CMTM7: variants seen among roughly 807,000 people sequenced by gnomAD.
CMTM7 encodes the protein CKLF like MARVEL transmembrane domain containing 7, also known as CKLF-like MARVEL transmembrane domain-containing protein 7.
CMTM7 carries 7 observed loss-of-function variants against 19.3 expected under a neutral mutation model. The ratio of observed to expected loss-of-function variants is 0.36; its 90% CI spans 0.21 to 0.68. CMTM7 has a LOEUF of 0.68. CMTM7 is among the 30% of genes least tolerant of loss of function. CMTM7 has a pLI of 0.60. For missense variants in CMTM7, 193 were observed against 232.6 expected, an observed-to-expected ratio of 0.83 and a Z score of 1.11; for synonymous variants, 87 against 99.3, an observed-to-expected ratio of 0.88 and a Z score of 0.74.
chr3:32,392,242 G>A (rs1268509858), intron 1 of CMTM7, among the ~76,000 whole-genome samples, 177 bp downstream of exon 1: 1 of 121,182 alleles, frequency 8.3e-6, no homozygotes, highest in Non-Finnish European at 1.8e-5. Flanking sequence ...AGTTGCTGCC[G>A]CAGCCCCCGC....
At chr3:32,434,138 G>A (rs923145681) in intron 1 of CMTM7, among the ~76,000 whole-genome samples, 2 of 152,032 alleles carry the variant, frequency 1.3e-5, no homozygotes, top group South Asian at 2.1e-4. Context: ...GCAGTGAGCC[G>A]AGATCATGCC....
rs1696880645 is a variant in CMTM7, at chr3:32,454,442, C to G, written c.*188C>G. The G allele has an allele frequency of 1.4e-6, 1 of 731,592 alleles. No individual in the cohort carries two copies. The highest frequency in any genetic ancestry group is 2.5e-6 in the Non-Finnish European group (1 of 406,594). The allele number at this position is 731,592 out of a possible 1,614,324, so 45.3% of individuals were successfully genotyped here. On this transcript the variant is annotated 3_prime_UTR_variant, in exon 5 of 5. Coordinates refer to ENST00000334983, the MANE Select transcript of CMTM7 (RefSeq NM_138410.4). ...TGAGCTCCTGAGCCAGCCGGAAACT[C>G]TTCCTCCAGCCTTCCGGGGAGAACA...
chr3:32,432,928 A>G (rs761671579), intron 1 of CMTM7, among the ~76,000 whole-genome samples: 1 of 152,098 alleles, frequency 6.6e-6, no homozygotes, highest in Non-Finnish European at 1.5e-5. Flanking sequence ...TTTCTTGTGG[A>G]GATGACCGTC....
rs570033404 is a variant in CMTM7, at chr3:32,433,702, G to T, written c.160-8138G>T. Among the ~76,000 whole-genome samples, 3 of 152,260 alleles carry T rather than the reference G, an allele frequency of 2.0e-5. No homozygotes were observed. The East Asian group carries it at 5.8e-4, about 29-fold the overall frequency. ...AAGGAAGGAGATGGGCTTTTTAAAT[G>T]CAAGAGTGTCATGGAGCTGTCACAG... On this transcript the variant is annotated intron_variant, in intron 1 of 4. Transcript: ENST00000334983.
At chr3:32,404,616 T>G (rs902063620) in intron 1 of CMTM7, among the ~76,000 whole-genome samples, 2 of 152,238 alleles carry the variant, frequency 1.3e-5, no homozygotes, top group African/African-American at 2.4e-5. Flanking sequence ...CCAGCAAGTC[T>G]TCTTTTTCCA....
At chr3:32,412,525 ACACACACACACAC>A (rs1696193297) in intron 1 of CMTM7, among the ~76,000 whole-genome samples, 1 of 72,938 alleles carries the variant, frequency 1.4e-5, no homozygotes, top group Non-Finnish European at 3.2e-5. Context: ...ACACACACAC[ACACACACACACAC>A]ACTGCATCAT....
intron 4 of CMTM7, among the ~76,000 whole-genome samples, chr3:32,452,927 T>A (rs1696858949): frequency 9.2e-6 from 1 of 108,164 alleles, no homozygotes; most frequent in Middle Eastern, 3.6e-3. Flanking sequence ...CAATTTTTTT[T>A]TTTTTTTTTT....
intron 1 of CMTM7, among the ~76,000 whole-genome samples, chr3:32,403,057 C>T (rs555605420): frequency 1.3e-5 from 2 of 152,356 alleles, no homozygotes; most frequent in East Asian, 1.9e-4. Context: ...GAGAAGCCAG[C>T]GTCAGCTCTC....
intron 2 of CMTM7, among the ~76,000 whole-genome samples, chr3:32,445,503 G>GT (rs1319614255): frequency 2.0e-5 from 3 of 151,772 alleles, no homozygotes; most frequent in African/African-American, 7.3e-5. Context: ...GTCTTACATT[G>GT]TTTTTTGTTT....
Position 32,449,551 on chromosome 3 carries a change from C to A in CMTM7, c.431C>A (p.Ala144Glu). The A allele has an allele frequency of 6.2e-7, 1 of 1,610,976 alleles. No individual in the cohort carries two copies. The highest frequency in any genetic ancestry group is 8.5e-7 in the Non-Finnish European group (1 of 1,177,200). Residue 144 changes from alanine (A) to glutamate (E), a missense_variant and splice_region_variant, in exon 3 of 5, where the codon GCG becomes GAG. Ala to Glu is a moderately radical substitution (Grantham distance 107, BLOSUM62 -1). Coordinates refer to ENST00000334983, the MANE Select transcript of CMTM7 (RefSeq NM_138410.4). This position sits in a 1 kb window ranked among gnomAD's most constrained non-coding sequence, Gnocchi z 4.5. The part of the protein sequence containing the change: ...SYNQSGLVAG[A>E]IFGFMATFLC... ...AACCAGAGCGGACTGGTAGCCGGAG[C>A]GGTGAGGATGTTTTGGGGAGCCTTT... is the stretch of plus-strand genomic sequence containing the variant.
intron 1 of CMTM7, among the ~76,000 whole-genome samples, chr3:32,410,799 A>G (rs1237796448): frequency 2.6e-5 from 4 of 152,212 alleles, no homozygotes; most frequent in Non-Finnish European, 4.4e-5. Context: ...CAGACTCACA[A>G]TCAAAACAAC....
rs570692239 is a variant in CMTM7 at position 32,392,281 on chromosome 3, G to T, written c.159+216G>T. Among the ~76,000 whole-genome samples, 97 of 133,682 alleles carry T rather than the reference G, an allele frequency of 7.3e-4. 1 individual carries two copies. In the East Asian group the frequency reaches 0.022, roughly 31 times the overall value. The allele number at this position is 133,682 out of a possible 152,430, so 87.7% of individuals were successfully genotyped here. A position where few individuals can be genotyped will look rare whatever the true frequency, so the allele number is the denominator to read the frequency against. On this transcript the variant is annotated intron_variant, in intron 1 of 4. Coordinates refer to ENST00000334983, the MANE Select transcript of CMTM7 (RefSeq NM_138410.4). ...GGAGCTCAGTCCCCAGAGCCGCCCC[G>T]GCCCTTGCTCCCGCGGACCCAGGTC...
intron 1 of CMTM7, among the ~76,000 whole-genome samples, chr3:32,410,534 G>C (rs924055176): frequency 3.3e-5 from 5 of 152,234 alleles, no homozygotes; most frequent in African/African-American, 1.2e-4. Context: ...GGGCCCAGCA[G>C]TGGAAAGAGC....
At chr3:32,421,323 C>T (rs1209957322) in intron 1 of CMTM7, among the ~76,000 whole-genome samples, 1 of 152,200 alleles carries the variant, frequency 6.6e-6, no homozygotes, top group Admixed American at 6.5e-5. Flanking sequence ...ATCCCCACCC[C>T]ATCCCGCCAG....
chr3:32,447,989 G>C (rs1037100671), intron 2 of CMTM7, among the ~76,000 whole-genome samples: 1 of 151,990 alleles, frequency 6.6e-6, no homozygotes, highest in Non-Finnish European at 1.5e-5. Context: ...CAAAGTTATG[G>C]CATTTTTTTC....
chr3:32,441,756 G>C, intron 1 of CMTM7, 84 bp from the exon 2 acceptor site: 2 of 1,177,030 alleles, frequency 1.7e-6, no homozygotes, highest in Non-Finnish European at 2.5e-6. Context: ...GCCTGCTGGG[G>C]GATGCTTGGT....
chr3:32,452,561 T>A, intron 4 of CMTM7, 88 bp downstream of exon 4: 1 of 1,336,746 alleles, frequency 7.5e-7, no homozygotes, highest in Non-Finnish European at 1.1e-6. Context: ...CAAACCCTGC[T>A]GTTGAGAAGG....
At chr3:32,409,462 T>C (rs1468121351) in intron 1 of CMTM7, among the ~76,000 whole-genome samples, 1 of 152,208 alleles carries the variant, frequency 6.6e-6, no homozygotes, top group African/African-American at 2.4e-5. Context: ...AATCAGGAAA[T>C]TAATGATACA....
In CMTM7 at chr3:32,449,008, G is replaced by A. The variant is rs1053225454; in HGVS notation, c.334-446G>A. On this transcript the variant is annotated intron_variant, in intron 2 of 4. Transcript: ENST00000334983. The surrounding 1 kb of genome is among the most constrained non-coding windows in gnomAD (Gnocchi z 4.5). ...ACATTGTTAGCCCAGAACTTTCTCCGAAGCAGAAGAGAAAGGCAAATATCT... is the reference window on the plus strand; with the variant it reads ...ACATTGTTAGCCCAGAACTTTCTCCAAAGCAGAAGAGAAAGGCAAATATCT... Among the ~76,000 whole-genome samples, 4 of 152,200 alleles carry A rather than the reference G, an allele frequency of 2.6e-5. No homozygotes were observed. The highest frequency in any genetic ancestry group is 4.8e-5 in the African/African-American group (2 of 41,436).
Sources: gnomAD v4.1 joint callset for allele counts (sites outside exome capture counted in the v4.1 genomes callset) on GRCh38, gnomAD v4.1.1 for gene constraint, Gnocchi (gnomAD v3.1) non-coding constraint, MANE v1.5 for transcripts, NCBI Gene and HGNC (gene_info 2026-07-23, HGNC 2026-07-21) for gene names.